The following DNMT1 variants were observed in gnomAD, a reference collection of about 807,000 sequenced individuals.
DNMT1 encodes DNA (cytosine-5)-methyltransferase 1.
A neutral mutation model predicts 205.3 loss-of-function variants in DNMT1; 24 were observed. The ratio of observed to expected loss-of-function variants is 0.12; its 90% CI spans 0.08 to 0.16. The LOEUF (loss-of-function observed/expected upper bound fraction) is 0.16. DNMT1 is among the 10% of genes least tolerant of loss of function. The pLI is 1.00. For missense variants in DNMT1, 1,293 were observed against 2,177.7 expected, an observed-to-expected ratio of 0.59 and a Z score of 8.09; for synonymous variants, 817 against 839.8, an observed-to-expected ratio of 0.97 and a Z score of 0.47.
chr19:10,138,422 C>T lies in DNMT1; in HGVS notation c.4115+17G>A, dbSNP rs2089535258. On this transcript the variant is annotated intron_variant, in intron 35 of 40. Transcript: ENST00000359526. This position sits in a 1 kb window ranked among gnomAD's most constrained non-coding sequence, Gnocchi z 4.1. ...GCCTGCTCGGCAGTGTGTGGAGGAG[C>T]GACGGGGGCCACCTACCTGGTTATG... is the stretch of plus-strand genomic sequence containing the variant. The T allele has an allele frequency of 5.0e-6, 8 of 1,613,776 alleles. No individual in the cohort carries two copies. The highest frequency in any genetic ancestry group is 5.9e-6 in the Non-Finnish European group (7 of 1,180,032).
intron 5 of DNMT1, among the ~76,000 whole-genome samples, chr19:10,178,828 T>A (rs986815166): frequency 4.2e-5 from 6 of 144,462 alleles, no homozygotes; most frequent in African/African-American, 1.5e-4. Flanking sequence ...GTTTGTTTTT[T>A]AAAAAATTCC....
chr19:10,143,372 C>T (rs979725982), intron 29 of DNMT1, among the ~76,000 whole-genome samples: 5 of 151,232 alleles, frequency 3.3e-5, no homozygotes, highest in African/African-American at 7.3e-5. Context: ...TGTGCCACCA[C>T]GCCCAGCTAG....
intron 11 of DNMT1, among the ~76,000 whole-genome samples, 193 bp from the exon 12 acceptor site, chr19:10,163,553 C>T (rs2038626338): frequency 6.6e-6 from 1 of 152,256 alleles, no homozygotes; most frequent in South Asian, 2.1e-4. Context: ...TAATTCCCCA[C>T]CTGAAACTAA....
Position 10,156,636 on chromosome 19 carries a change from G to C in DNMT1, c.1281-127C>G. 1.4e-6 allele frequency: 1 copy of C among 731,550 alleles called. No individual in the cohort carries two copies. The highest frequency in any genetic ancestry group is 1.7e-5 in the African/African-American group (1 of 57,676). The allele number at this position is 731,550 out of a possible 1,614,324, so 45.3% of individuals were successfully genotyped here. A position where few individuals can be genotyped will look rare whatever the true frequency, so the allele number is the denominator to read the frequency against. On this transcript the variant is annotated intron_variant, in intron 17 of 40. Transcript: ENST00000359526. The surrounding 1 kb of genome is among the most constrained non-coding windows in gnomAD (Gnocchi z 4.2). Reference sequence around the variant, plus strand: ...TGACACTCTTTTTTTGTTTGTTTTTGAGACAGAGTCTTGCTCTATCCCTCA... The same window carrying C: ...TGACACTCTTTTTTTGTTTGTTTTTCAGACAGAGTCTTGCTCTATCCCTCA...
intron 37 of DNMT1, 88 bp from the exon 38 acceptor site, chr19:10,136,375 T>C: frequency 6.4e-7 from 1 of 1,558,932 alleles, no homozygotes; most frequent in Non-Finnish European, 8.7e-7. Flanking sequence ...GAGGCAGAGA[T>C]GGCACCTCCT....
chr19:10,134,716 G>T (rs936460402), intron 39 of DNMT1, among the ~76,000 whole-genome samples: 1 of 151,468 alleles, frequency 6.6e-6, no homozygotes, highest in African/African-American at 2.4e-5. Flanking sequence ...TAATTAGCTG[G>T]GCATGGTGGC....
In DNMT1 at chr19:10,137,123, C is replaced by T. The variant is rs1405528301; in HGVS notation, c.4451G>A (p.Ser1484Asn). The T allele has an allele frequency of 6.2e-7, 1 of 1,611,664 alleles. No homozygotes were observed. Among genetic ancestry groups the T allele is most frequent in the South Asian group, 1.1e-5 (1 of 90,582 alleles). Residue 1484 changes from serine to asparagine, a missense_variant, in exon 37 of 41, where the codon AGC becomes AAC. Ser to Asn is a conservative substitution (Grantham distance 46, BLOSUM62 1). This residue lies in a region of DNMT1 where 148 missense variants were observed against 256.1 expected (regional missense o/e 0.58). Transcript: ENST00000359526. This position sits in a 1 kb window ranked among gnomAD's most constrained non-coding sequence, Gnocchi z 6.4. ...THHDRKNGRS[S>N]SGALRGVCSC... Reference sequence around the variant, plus strand: ...GCAGACCCCACGGAGGGCCCCAGAGCTGCTGCGGCCGTTCTTCCTGTCATG... The same window carrying T: ...GCAGACCCCACGGAGGGCCCCAGAGTTGCTGCGGCCGTTCTTCCTGTCATG...
At chr19:10,172,467 A>T (rs1258683854) in intron 9 of DNMT1, among the ~76,000 whole-genome samples, 2 of 151,664 alleles carry the variant, frequency 1.3e-5, no homozygotes, top group Non-Finnish European at 2.9e-5. Context: ...CTTCACAAAG[A>T]TCTCATCAGC....
intron 9 of DNMT1, among the ~76,000 whole-genome samples, chr19:10,169,259 G>T (rs2038759359): frequency 6.6e-6 from 1 of 151,760 alleles, no homozygotes; most frequent in Non-Finnish European, 1.5e-5. Flanking sequence ...GAAACACTTT[G>T]CAGCTGGGCA....
In DNMT1 at chr19:10,159,531, G is replaced by A. The variant is rs550960666; in HGVS notation, c.1280+127C>T. The A allele has an allele frequency of 2.8e-5, 28 of 995,540 alleles. No individual in the cohort carries two copies. Among genetic ancestry groups the A allele is most frequent in the South Asian group, 2.2e-4 (16 of 72,812 alleles). 61.7% of individuals were successfully genotyped at this position (995,540 alleles called of 1,614,324 possible). ...GCCCTCCACGGTGGCTCTTATCCAC[G>A]AAGTGTTAGCTTAAGACATGTTGCA... is the stretch of plus-strand genomic sequence containing the variant. On this transcript the variant is annotated intron_variant, in intron 17 of 40. Coordinates refer to ENST00000359526, the MANE Select transcript of DNMT1 (RefSeq NM_001130823.3). The surrounding 1 kb of genome is among the most constrained non-coding windows in gnomAD (Gnocchi z 5.0).
intron 13 of DNMT1, among the ~76,000 whole-genome samples, chr19:10,162,141 A>AT (rs34352285): frequency 0.045 from 6,074 of 135,222 alleles, 165 homozygotes; most frequent in Non-Finnish European, 0.064. Flanking sequence ...TGTGCCCAGC[A>AT]TTTTTTTTTT....
Position 10,154,347 on chromosome 19 carries a change from A to G in DNMT1, c.1965T>C (p.Asp655=). 2 of 1,614,212 alleles carry G rather than the reference A, an allele frequency of 1.2e-6. No homozygotes were observed. The highest frequency in any genetic ancestry group is 1.7e-6 in the Non-Finnish European group (2 of 1,180,028). The part of the protein sequence containing the change: ...DTFFAEQIEK[D]DREDKENAFK... ...AGGCGTTCTCCTTGTCTTCTCTGTC[A>G]TCCTTTTCAATTTGCTCTGCGAAGA... is the stretch of plus-strand genomic sequence containing the variant. Residue 655 remains aspartate (D), a synonymous_variant, in exon 22 of 41, where the codon GAT becomes GAC. Transcript: ENST00000359526. This position sits in a 1 kb window ranked among gnomAD's most constrained non-coding sequence, Gnocchi z 6.3.
Position 10,151,050 on chromosome 19 carries a change from G to C in DNMT1, c.2265+348C>G, listed in dbSNP as rs1049786892. 1.3e-5 allele frequency among the ~76,000 whole-genome samples: 2 copies of C among 152,160 alleles called. No homozygotes were observed. Among genetic ancestry groups the C allele is most frequent in the Admixed American group, 6.5e-5 (1 of 15,280 alleles). ...GCAGAGGTTGCAGCGAGCTGAGATCGTGCCACTGCACTCCAGCCTGGGTGA... is the reference window on the plus strand; with the variant it reads ...GCAGAGGTTGCAGCGAGCTGAGATCCTGCCACTGCACTCCAGCCTGGGTGA... On this transcript the variant is annotated intron_variant, in intron 24 of 40. Transcript: ENST00000359526. This position sits in a 1 kb window ranked among gnomAD's most constrained non-coding sequence, Gnocchi z 5.0.
At chr19:10,173,725 CAA>C in intron 8 of DNMT1, 144 bp downstream of exon 8, 1 of 819,024 alleles carries the variant, frequency 1.2e-6, no homozygotes, top group South Asian at 1.4e-5. Flanking sequence ...CTCCTGACCT[CAA>C]GTGATTCGCC....
chr19:10,163,306 CA>C lies in DNMT1; in HGVS notation c.926+19del, dbSNP rs1568241035. 1.2e-6 allele frequency: 2 copies of C among 1,613,704 alleles called. No individual in the cohort carries two copies. The highest frequency in any genetic ancestry group is 3.3e-5 in the Admixed American group (2 of 60,010). ...TACTGATCCAGATGACACAAAAGCACAAGCATTTTAAACACTTACAGATCTT... is the reference window on the plus strand; with the variant it reads ...TACTGATCCAGATGACACAAAAGCACAGCATTTTAAACACTTACAGATCTT... On this transcript the variant is annotated intron_variant, in intron 12 of 40. Coordinates refer to ENST00000359526, the MANE Select transcript of DNMT1 (RefSeq NM_001130823.3).
chr19:10,183,125 A>ATATACGTGTGTATATATATATT (rs767124770), intron 1 of DNMT1, among the ~76,000 whole-genome samples: 2 of 117,480 alleles, frequency 1.7e-5, no homozygotes, highest in African/African-American at 3.4e-5. Context: ...ATATATATAT[A>ATATACGTGTGTATATATATATT]TTTTTTTTTT....
intron 22 of DNMT1, among the ~76,000 whole-genome samples, chr19:10,152,847 C>G (rs2038378211): frequency 6.6e-6 from 1 of 151,714 alleles, no homozygotes; most frequent in African/African-American, 2.4e-5. Flanking sequence ...TGCCTCTAAT[C>G]CCGGCAGTTT....
chr19:10,173,218 G>T (rs776046369), intron 8 of DNMT1, 44 bp from the exon 9 acceptor site: 2 of 1,602,966 alleles, frequency 1.2e-6, no homozygotes, highest in Non-Finnish European at 1.7e-6. Context: ...AGTGCCAGGA[G>T]CTTCCCCAAA....
At position 10,137,491 on chromosome 19, in the gene DNMT1, CT is replaced by C; in HGVS notation, c.4294-212del. 1.5e-6 allele frequency: 1 copy of C among 670,998 alleles called. No individual in the cohort carries two copies. Among genetic ancestry groups the C allele is most frequent in the Non-Finnish European group, 2.5e-6 (1 of 396,902 alleles). 41.6% of individuals were successfully genotyped at this position (670,998 alleles called of 1,614,324 possible). A position where few individuals can be genotyped will look rare whatever the true frequency, so the allele number is the denominator to read the frequency against. On this transcript the variant is annotated intron_variant, in intron 36 of 40. Transcript: ENST00000359526. This position sits in a 1 kb window ranked among gnomAD's most constrained non-coding sequence, Gnocchi z 6.4. ...GTGTAGGAGAGCGTGGGAATCTAAG[CT>C]GAGCCTTTAGGGTGGGGGAAGGGGA... is the stretch of plus-strand genomic sequence containing the variant.
Sources: allele counts gnomAD v4.1 joint callset (sites outside exome capture counted in the v4.1 genomes callset), GRCh38; gene constraint gnomAD v4.1.1; regional missense constraint gnomAD v4.1.1; non-coding constraint Gnocchi (gnomAD v3.1); transcripts MANE v1.5; gene names NCBI Gene and HGNC (gene_info 2026-07-23, HGNC 2026-07-21).